The following MFSD6 variants were observed in gnomAD, a reference collection of about 807,000 sequenced individuals.
MFSD6 encodes major facilitator superfamily domain containing 6.
In MFSD6, 26 loss-of-function variants were observed where a neutral mutation model predicts 56.3. The observed-to-expected ratio is 0.46, with a 90% CI of 0.34 to 0.64. The LOEUF (loss-of-function observed/expected upper bound fraction) is 0.64. Among genes scored for constraint, MFSD6 ranks in the 30% least tolerant of loss-of-function variants. The probability of loss-of-function intolerance (pLI) is 0.01; values close to 1 mark genes in which losing one functional copy is unlikely to be tolerated. For missense variants in MFSD6, 750 were observed against 986.2 expected, an observed-to-expected ratio of 0.76 and a Z score of 3.21; for synonymous variants, 331 against 366.9, an observed-to-expected ratio of 0.90 and a Z score of 1.12.
At position 190,469,888 on chromosome 2, in the gene MFSD6, C is replaced by T. The variant is rs764670246; in HGVS notation, c.1630+33C>T. On this transcript the variant is annotated intron_variant, in intron 4 of 7. Transcript: ENST00000392328. The surrounding 1 kb of genome is among the most constrained non-coding windows in gnomAD (Gnocchi z 5.3). The stretch of plus-strand genomic sequence containing the variant: ...AACAGCTGGGATTGAAATTATTTCT[C>T]TGCCTTCCCTGAGCTGTGGCTAAAA... The T allele has an allele frequency of 1.4e-6, 2 of 1,480,900 alleles. No individual in the cohort carries two copies. The highest frequency in any genetic ancestry group is 1.2e-5 in the South Asian group (1 of 86,450). The allele number at this position is 1,480,900 out of a possible 1,614,324, so 91.7% of individuals were successfully genotyped here.
Position 190,491,201 on chromosome 2 carries a change from T to G in MFSD6, c.1891+1335T>G, listed in dbSNP as rs1162215797. Reference sequence around the variant, plus strand: ...TCTTTGATTAGTGAGAATATGGTACTGGGTTAGTTTTTAAAATACTTGTGT... The same window carrying G: ...TCTTTGATTAGTGAGAATATGGTACGGGGTTAGTTTTTAAAATACTTGTGT... On this transcript the variant is annotated intron_variant, in intron 6 of 7. Coordinates refer to ENST00000392328, the MANE Select transcript of MFSD6 (RefSeq NM_017694.4). This position sits in a 1 kb window ranked among gnomAD's most constrained non-coding sequence, Gnocchi z 4.2. 6.6e-6 allele frequency among the ~76,000 whole-genome samples: 1 copy of G among 152,222 alleles called. No homozygotes were observed. Among genetic ancestry groups the G allele is most frequent in the African/African-American group, 2.4e-5 (1 of 41,452 alleles).
At position 190,492,631 on chromosome 2, in the gene MFSD6, G is replaced by A. The variant is rs1689422364; in HGVS notation, c.1891+2765G>A. Among the ~76,000 whole-genome samples the A allele has an allele frequency of 6.6e-6, 1 of 152,122 alleles. No homozygotes were observed. Among genetic ancestry groups the A allele is most frequent in the Non-Finnish European group, 1.5e-5 (1 of 68,018 alleles). On this transcript the variant is annotated intron_variant, in intron 6 of 7. Transcript: ENST00000392328. This position sits in a 1 kb window ranked among gnomAD's most constrained non-coding sequence, Gnocchi z 5.2. ...TGACACAACCTATCAAAACCTCTGG[G>A]ATACAGCAAAGGCAATGCTAACAAA...
chr2:190,418,470 A>C lies in MFSD6; in HGVS notation c.-54+3057A>C, dbSNP rs1690880766. 2.0e-5 allele frequency among the ~76,000 whole-genome samples: 3 copies of C among 152,150 alleles called. No homozygotes were observed. Among genetic ancestry groups the C allele is most frequent in the Non-Finnish European group, 4.4e-5 (3 of 68,026 alleles). The stretch of plus-strand genomic sequence containing the variant: ...TTGGAAAGGCCCACCAAGAATGACA[A>C]GGTGGTTGGGCACAGTGGCCCACAC... On this transcript the variant is annotated intron_variant, in intron 2 of 7. Transcript: ENST00000392328. The surrounding 1 kb of genome is among the most constrained non-coding windows in gnomAD (Gnocchi z 4.1).
In MFSD6 at chr2:190,497,514, A is replaced by C. The variant is rs1443853900; in HGVS notation, c.1967A>C (p.Gln656Pro). 8 of 1,614,112 alleles carry C rather than the reference A, an allele frequency of 5.0e-6. No individual in the cohort carries two copies. The highest frequency in any genetic ancestry group is 6.8e-6 in the Non-Finnish European group (8 of 1,180,036). The change falls in exon 7 of 8, where the codon CAA becomes CCA. Residue 656 changes from glutamine (Q) to proline (P), a missense_variant. This residue lies in a region of MFSD6 where 172 missense variants were observed against 203.9 expected (regional missense o/e 0.84). Coordinates refer to ENST00000392328, the MANE Select transcript of MFSD6 (RefSeq NM_017694.4). This position sits in a 1 kb window ranked among gnomAD's most constrained non-coding sequence, Gnocchi z 5.2. ...ATAGCAACCATCGACTTGGTACAGC[A>C]ACAGACAGAAGATGTCATGCCACGC... is the stretch of plus-strand genomic sequence containing the variant. ...VPIATIDLVQ[Q>P]QTEDVMPRIE... is the part of the protein sequence containing the mutation.
rs189681570 is a variant in MFSD6, at chr2:190,411,308, T to C, written c.-176+2805T>C. ...CCGAGTAGCTGGGATTACAGGCACA[T>C]GCCACCAGGCTCAGCTAATTTTTAT... On this transcript the variant is annotated intron_variant, in intron 1 of 7. Transcript: ENST00000392328. 3.4e-4 allele frequency: 134 copies of C among 397,242 alleles called. 3 individuals carry two copies. In the East Asian group the frequency reaches 0.013, roughly 40 times the overall value. The allele number at this position is 397,242 out of a possible 1,614,324, so 24.6% of individuals were successfully genotyped here.
rs997992270 is a variant in MFSD6 at position 190,465,506 on chromosome 2, C to G, written c.1533-4252C>G. On this transcript the variant is annotated intron_variant, in intron 3 of 7. Coordinates refer to ENST00000392328, the MANE Select transcript of MFSD6 (RefSeq NM_017694.4). The surrounding 1 kb of genome is among the most constrained non-coding windows in gnomAD (Gnocchi z 4.6). ...ATACATCAGTAATCTTATGTATAAT[C>G]TTATGTAAAAAAATTCTAGGACCCT... Among the ~76,000 whole-genome samples the G allele has an allele frequency of 1.1e-4, 17 of 151,682 alleles. No homozygotes were observed. Among genetic ancestry groups the G allele is most frequent in the Non-Finnish European group, 2.2e-4 (15 of 67,952 alleles).
Position 190,501,549 on chromosome 2 carries a change from C to T in MFSD6, c.*1331C>T, listed in dbSNP as rs1257300524. 3 of 152,142 alleles carry T rather than the reference C, an allele frequency of 2.0e-5. No homozygotes were observed. Among genetic ancestry groups the T allele is most frequent in the Non-Finnish European group, 4.4e-5 (3 of 68,036 alleles). 9.4% of individuals were successfully genotyped at this position (152,142 alleles called of 1,614,324 possible). On this transcript the variant is annotated 3_prime_UTR_variant, in exon 8 of 8. Transcript: ENST00000392328. ...AGGTGAATTATATAATTTATAATAG[C>T]TGTGGATGAGCACAGGAGAGAGAGG...
chr2:190,457,411 C>A lies in MFSD6; in HGVS notation c.1533-12347C>A, dbSNP rs145597815. ...GCAGACCCCACTTCTTCCTGTTGGC[C>A]CCCTACCCCCAGGACTCAGACTTTG... On this transcript the variant is annotated intron_variant, in intron 3 of 7. Transcript: ENST00000392328. This position sits in a 1 kb window ranked among gnomAD's most constrained non-coding sequence, Gnocchi z 5.1. 6.6e-6 allele frequency among the ~76,000 whole-genome samples: 1 copy of A among 152,202 alleles called. No individual in the cohort carries two copies. Among genetic ancestry groups the A allele is most frequent in the East Asian group, 1.9e-4 (1 of 5,186 alleles).
chr2:190,499,081 G>T lies in MFSD6; in HGVS notation c.2173-934G>T, dbSNP rs1368193749. 6.6e-6 allele frequency among the ~76,000 whole-genome samples: 1 copy of T among 152,174 alleles called. No individual in the cohort carries two copies. Among genetic ancestry groups the T allele is most frequent in the African/African-American group, 2.4e-5 (1 of 41,440 alleles). On this transcript the variant is annotated intron_variant, in intron 7 of 7. Transcript: ENST00000392328. This position sits in a 1 kb window ranked among gnomAD's most constrained non-coding sequence, Gnocchi z 6.0. ...GAGAATTGCTTGAACCCAGCAGGAGGAGGTTGCAGTGAGCCAAGGTCACGC... is the reference window on the plus strand; with the variant it reads ...GAGAATTGCTTGAACCCAGCAGGAGTAGGTTGCAGTGAGCCAAGGTCACGC...
In MFSD6 at chr2:190,499,164, T is replaced by TAATA. The variant is rs377506028; in HGVS notation, c.2173-836_2173-833dup. ...CTCCGTCTCAAAATTATAATAACAA[T>TAATA]AATAAATAAATAAATAAAATGTTTC... On this transcript the variant is annotated intron_variant, in intron 7 of 7. Coordinates refer to ENST00000392328, the MANE Select transcript of MFSD6 (RefSeq NM_017694.4). The surrounding 1 kb of genome is among the most constrained non-coding windows in gnomAD (Gnocchi z 6.0). 6.6e-6 allele frequency among the ~76,000 whole-genome samples: 1 copy of TAATA among 151,992 alleles called. No individual in the cohort carries two copies. The highest frequency in any genetic ancestry group is 2.4e-5 in the African/African-American group (1 of 41,366).
At chr2:190,483,842 A>AG (rs1688850443) in intron 4 of MFSD6, among the ~76,000 whole-genome samples, 2 of 151,864 alleles carry the variant, frequency 1.3e-5, no homozygotes, top group Non-Finnish European at 2.9e-5. Context: ...TTTCAAAAAA[A>AG]AAAAAAAAAA....
rs376213571 is a variant in MFSD6 at position 190,435,990 on chromosome 2, A to G, written c.-40A>G. ...TTTACTTTACAGATCAACAGTACAAATTCTGAAGTTTGTAAACTTGCTGAT... is the reference window on the plus strand; with the variant it reads ...TTTACTTTACAGATCAACAGTACAAGTTCTGAAGTTTGTAAACTTGCTGAT... On this transcript the variant is annotated 5_prime_UTR_variant, in exon 3 of 8. Coordinates refer to ENST00000392328, the MANE Select transcript of MFSD6 (RefSeq NM_017694.4). 293 of 1,568,472 alleles carry G rather than the reference A, an allele frequency of 1.9e-4. 3 individuals carry two copies. In the African/African-American group the frequency reaches 3.7e-3, roughly 20 times the overall value.
chr2:190,468,797 A>G (rs1179227067), intron 3 of MFSD6, among the ~76,000 whole-genome samples: 2 of 152,078 alleles, frequency 1.3e-5, no homozygotes, highest in African/African-American at 2.4e-5. Flanking sequence ...TTAGGAAAAT[A>G]CCACTGATTA....
chr2:190,479,039 A>G (rs757237346), intron 4 of MFSD6, among the ~76,000 whole-genome samples: 19 of 152,114 alleles, frequency 1.2e-4, no homozygotes, highest in Non-Finnish European at 2.6e-4. Context: ...ATTCCTTGTT[A>G]TCTTCAGTCT....
chr2:190,429,905 GA>G (rs1302618198), intron 2 of MFSD6, among the ~76,000 whole-genome samples: 2 of 151,574 alleles, frequency 1.3e-5, no homozygotes, highest in African/African-American at 4.9e-5. Context: ...GTGCAGATTT[GA>G]TACATATGTA....
chr2:190,408,464 C>A lies in MFSD6; in HGVS notation c.-215C>A. On this transcript the variant is annotated 5_prime_UTR_variant, in exon 1 of 8. Coordinates refer to ENST00000392328, the MANE Select transcript of MFSD6 (RefSeq NM_017694.4). ...CCCCGTGCTCCGGGGACAGGGCTCC[C>A]CGCGCCCCGCGCAGCTGAGCGCTGC... 6.6e-6 allele frequency: 1 copy of A among 151,852 alleles called. No individual in the cohort carries two copies. The highest frequency in any genetic ancestry group is 1.8e-4 in the South Asian group (1 of 5,518). The allele number at this position is 151,852 out of a possible 1,614,324, so 9.4% of individuals were successfully genotyped here. A position where few individuals can be genotyped will look rare whatever the true frequency, so the allele number is the denominator to read the frequency against.
intron 4 of MFSD6, among the ~76,000 whole-genome samples, chr2:190,480,368 G>T (rs1301066091): frequency 7.1e-6 from 1 of 140,036 alleles, no homozygotes; most frequent in African/African-American, 2.6e-5. Flanking sequence ...TCAGCCCCCT[G>T]TATCATGTAC....
In MFSD6 at chr2:190,459,229, T is replaced by C. The variant is rs1395441614; in HGVS notation, c.1533-10529T>C. 6.6e-6 allele frequency among the ~76,000 whole-genome samples: 1 copy of C among 152,232 alleles called. No homozygotes were observed. The highest frequency in any genetic ancestry group is 2.4e-5 in the African/African-American group (1 of 41,464). On this transcript the variant is annotated intron_variant, in intron 3 of 7. Coordinates refer to ENST00000392328, the MANE Select transcript of MFSD6 (RefSeq NM_017694.4). This position sits in a 1 kb window ranked among gnomAD's most constrained non-coding sequence, Gnocchi z 5.3. ...TAACTGTACCCATTCCTGCTGTGTCTCACCACAGTCAGGAACAGCAGGATT... is the reference window on the plus strand; with the variant it reads ...TAACTGTACCCATTCCTGCTGTGTCCCACCACAGTCAGGAACAGCAGGATT...
At position 190,496,823 on chromosome 2, in the gene MFSD6, C is replaced by T. The variant is rs1486249156; in HGVS notation, c.1892-616C>T. Among the ~76,000 whole-genome samples the T allele has an allele frequency of 6.6e-6, 1 of 152,172 alleles. No homozygotes were observed. Among genetic ancestry groups the T allele is most frequent in the Non-Finnish European group, 1.5e-5 (1 of 68,028 alleles). On this transcript the variant is annotated intron_variant, in intron 6 of 7. Coordinates refer to ENST00000392328, the MANE Select transcript of MFSD6 (RefSeq NM_017694.4). This position sits in a 1 kb window ranked among gnomAD's most constrained non-coding sequence, Gnocchi z 4.7. ...AGCAACTCAAGAATGGAAAACCAAA[C>T]ATCGTATATTCTCACTCATAAGTGG... is the stretch of plus-strand genomic sequence containing the variant.
Sources: gnomAD v4.1 joint callset for allele counts (sites outside exome capture counted in the v4.1 genomes callset) on GRCh38, gnomAD v4.1.1 for gene constraint, gnomAD v4.1.1 regional missense constraint, Gnocchi (gnomAD v3.1) non-coding constraint, MANE v1.5 for transcripts, NCBI Gene and HGNC (gene_info 2026-07-23, HGNC 2026-07-21) for gene names.